HPS3: variants seen among roughly 807,000 people sequenced by gnomAD.
HPS3 encodes BLOC-2 complex member HPS3.
HPS3 carries 79 observed loss-of-function variants against 110.9 expected under a neutral mutation model. The observed-to-expected ratio is 0.71, with a 90% CI of 0.59 to 0.86. The LOEUF (loss-of-function observed/expected upper bound fraction) is 0.86, where lower values mean the gene tolerates loss of function less well. Ranked by LOEUF, HPS3 falls within the 40% of genes least tolerant of loss-of-function variation. The pLI is 0.00. For synonymous variants in HPS3, 428 were observed against 451.0 expected (o/e 0.95, Z 0.65); for missense variants, 1,197 against 1,206.2 (o/e 0.99, Z 0.11).
chr3:149,166,927 T>C, intron 14 of HPS3, 107 bp from the exon 15 acceptor site: 1 of 850,692 alleles, frequency 1.2e-6, no homozygotes, highest in South Asian at 1.3e-5. Flanking sequence ...ATTCTTTCTA[T>C]TTTATTTTTG....
At chr3:149,161,420 G>A (rs1401257332) in intron 11 of HPS3, among the ~76,000 whole-genome samples, 4 of 150,502 alleles carry the variant, frequency 2.7e-5, no homozygotes, top group Non-Finnish European at 5.9e-5. Context: ...AATGTCAACT[G>A]CTATGCACAT....
rs1725102539 is a variant in HPS3 at position 149,172,491 on chromosome 3, G to A, written c.*269G>A. ...TAAGACATAAGAATTCCTCAAAGAA[G>A]CCATACATTTTTTAAGGTGGGGATT... On this transcript the variant is annotated 3_prime_UTR_variant, in exon 17 of 17. Transcript: ENST00000296051. The A allele has an allele frequency of 9.5e-6, 3 of 315,978 alleles. No homozygotes were observed. The highest frequency in any genetic ancestry group is 1.3e-4 in the East Asian group (2 of 15,676). 19.6% of individuals were successfully genotyped at this position (315,978 alleles called of 1,614,324 possible).
At chr3:149,155,450 T>C (rs750340295) in intron 8 of HPS3, among the ~76,000 whole-genome samples, 82 of 152,132 alleles carry the variant, frequency 5.4e-4, no homozygotes, top group Non-Finnish European at 9.9e-4. Context: ...ATACCCACTC[T>C]CCTAAGAAGA....
In HPS3 at chr3:149,150,650, G is replaced by C. The variant is rs1438554198; in HGVS notation, c.1215G>C (p.Glu405Asp). ...GGTGCAGTGCGGCGGCAGCTCGTGAGGAGGACCCGTACATGGACACCACCC... is the reference window on the plus strand; with the variant it reads ...GGTGCAGTGCGGCGGCAGCTCGTGACGAGGACCCGTACATGGACACCACCC... Reference protein sequence around the residue: ...TVRCSAAAAREEDPYMDTTLK... With the variant: ...TVRCSAAAARDEDPYMDTTLK... Residue 405 changes from glutamate (E) to aspartate (D), a missense_variant, in exon 6 of 17, where the codon GAG (glutamate) becomes GAC (aspartate). Coordinates refer to ENST00000296051, the MANE Select transcript of HPS3 (RefSeq NM_032383.5). 1.9e-6 allele frequency: 3 copies of C among 1,613,984 alleles called. No individual in the cohort carries two copies. Among genetic ancestry groups the C allele is most frequent in the African/African-American group, 2.7e-5 (2 of 74,916 alleles).
intron 5 of HPS3, among the ~76,000 whole-genome samples, chr3:149,148,134 A>G (rs1340793335): frequency 6.6e-6 from 1 of 152,018 alleles, no homozygotes; most frequent in Admixed American, 6.6e-5. Flanking sequence ...CGGCCTCCCA[A>G]AGTGCTGGGA....
At position 149,141,215 on chromosome 3, in the gene HPS3, C is replaced by A. The variant is rs201040693; in HGVS notation, c.884+27C>A. ...TATTATAGTGCTTTTTTTTTTTTTA[C>A]CAGCATTTTATGTATATATGCCTGC... On this transcript the variant is annotated intron_variant, in intron 3 of 16. Transcript: ENST00000296051. 55 of 929,488 alleles carry A rather than the reference C, an allele frequency of 5.9e-5. 1 individual carries two copies. The East Asian group carries it at 1.1e-3, about 18-fold the overall frequency. The allele number at this position is 929,488 out of a possible 1,614,324, so 57.6% of individuals were successfully genotyped here.
chr3:149,141,082 C>T lies in HPS3; in HGVS notation c.778C>T (p.Leu260Phe), dbSNP rs1722412935. 1 of 1,613,728 alleles carries T rather than the reference C, an allele frequency of 6.2e-7. No homozygotes were observed. The highest frequency in any genetic ancestry group is 8.5e-7 in the Non-Finnish European group (1 of 1,179,882). Reference sequence around the variant, plus strand: ...TGTCATCTGCCAGAAGCCCCTGGAACTTCTTGGTGAAAAAAGTGAACAGTC... The same window carrying T: ...TGTCATCTGCCAGAAGCCCCTGGAATTTCTTGGTGAAAAAAGTGAACAGTC... ...DFVICQKPLE[L>F]LGEKSEQSGL... The change falls in exon 3 of 17, where the codon CTT (leucine) becomes TTT (phenylalanine). Residue 260 changes from leucine (L) to phenylalanine (F), a missense_variant. By Grantham distance (22) the Leu-to-Phe change is conservative. Coordinates refer to ENST00000296051, the MANE Select transcript of HPS3 (RefSeq NM_032383.5).
chr3:149,135,350 A>G (rs1465095548), intron 1 of HPS3, among the ~76,000 whole-genome samples: 2 of 151,812 alleles, frequency 1.3e-5, no homozygotes, highest in Non-Finnish European at 2.9e-5. Context: ...AGTCCCCATA[A>G]CCCCCACGTG....
chr3:149,153,287 C>T (rs1156488863), intron 6 of HPS3, among the ~76,000 whole-genome samples: 1 of 152,132 alleles, frequency 6.6e-6, no homozygotes, highest in African/African-American at 2.4e-5. Flanking sequence ...CTATGGAATA[C>T]ACTATTGGTT....
intron 2 of HPS3, 71 bp downstream of exon 2, chr3:149,140,569 G>T: frequency 2.6e-6 from 4 of 1,533,710 alleles, no homozygotes; most frequent in Non-Finnish European, 3.6e-6. Context: ...CAGTCTGAAG[G>T]TCTGTGGTAT....
At chr3:149,144,377 C>T (rs549737057) in intron 4 of HPS3, among the ~76,000 whole-genome samples, 6 of 152,022 alleles carry the variant, frequency 3.9e-5, no homozygotes, top group Admixed American at 1.3e-4. Flanking sequence ...AGTGAGACTC[C>T]GTCTCAAAAA....
rs771171459 is a variant in HPS3 at position 149,145,542 on chromosome 3, A to G, written c.1159A>G (p.Thr387Ala). ...VLTPQFLHVITSNNLQCFTVR... is the reference protein window; with the variant it reads ...VLTPQFLHVIASNNLQCFTVR... ...CACGCCACAATTTTTGCACGTCATTACAAGGTACTGTTAGAGGGTCACTTG... is the reference window on the plus strand; with the variant it reads ...CACGCCACAATTTTTGCACGTCATTGCAAGGTACTGTTAGAGGGTCACTTG... The change falls in exon 5 of 17, where the codon ACA becomes GCA. Residue 387 changes from threonine (T) to alanine (A), a missense_variant. Thr to Ala is a moderately conservative substitution (Grantham distance 58, BLOSUM62 0). Transcript: ENST00000296051. The G allele has an allele frequency of 9.9e-6, 16 of 1,613,426 alleles. No homozygotes were observed. In the Admixed American group the frequency reaches 1.7e-4, roughly 17 times the overall value.
intron 4 of HPS3, among the ~76,000 whole-genome samples, chr3:149,144,640 T>A (rs1722680647): frequency 6.6e-6 from 1 of 152,234 alleles, no homozygotes; most frequent in African/African-American, 2.4e-5. Flanking sequence ...TGAATTTTGC[T>A]AAGTGAATCC....
intron 4 of HPS3, among the ~76,000 whole-genome samples, chr3:149,141,641 C>T (rs995628947): frequency 7.0e-6 from 1 of 143,870 alleles, no homozygotes. Context: ...TCAAGTGATT[C>T]TCCTGCCTCA....
chr3:149,155,074 T>C (rs772204612), intron 7 of HPS3, 33 bp from the exon 8 acceptor site: 54 of 1,075,544 alleles, frequency 5.0e-5, no homozygotes, highest in Non-Finnish European at 7.7e-5. Flanking sequence ...AATAATGTCA[T>C]TTTAAAATTC....
At chr3:149,130,924 A>G (rs1225561736) in intron 1 of HPS3, among the ~76,000 whole-genome samples, 4 of 152,194 alleles carry the variant, frequency 2.6e-5, no homozygotes. Context: ...TTACCATATA[A>G]TTCCTTTAAT....
intron 13 of HPS3, 152 bp downstream of exon 13, chr3:149,163,030 G>T: frequency 1.4e-6 from 1 of 702,538 alleles, no homozygotes; most frequent in Non-Finnish European, 2.4e-6. Flanking sequence ...CTTAAAATTT[G>T]TCTTTAACTG....
At position 149,162,839 on chromosome 3, in the gene HPS3, G is replaced by A. The variant is rs2108170692; in HGVS notation, c.2442G>A (p.Gln814=). The change falls in exon 13 of 17, where the codon CAG becomes CAA. Residue 814 remains glutamine, a synonymous_variant. Coordinates refer to ENST00000296051, the MANE Select transcript of HPS3 (RefSeq NM_032383.5). The part of the protein sequence containing the change: ...SQYIWRLSKR[Q]PPDTTPLRTS... ...ACATCTGGAGATTGTCTAAGAGGCAGCCTCCTGACACCACACCATTGCGAA... is the reference window on the plus strand; with the variant it reads ...ACATCTGGAGATTGTCTAAGAGGCAACCTCCTGACACCACACCATTGCGAA... 3.1e-6 allele frequency: 5 copies of A among 1,614,006 alleles called. No homozygotes were observed. Among genetic ancestry groups the A allele is most frequent in the East Asian group, 4.5e-5 (2 of 44,868 alleles).
chr3:149,136,482 G>T (rs9815729), intron 1 of HPS3, among the ~76,000 whole-genome samples: 27,583 of 152,126 alleles, frequency 0.18, 3,075 homozygotes, highest in East Asian at 0.29. Flanking sequence ...CCTTCTATCA[G>T]TTGGGGAAAC....
Sources: allele counts gnomAD v4.1 joint callset (sites outside exome capture counted in the v4.1 genomes callset), GRCh38; gene constraint gnomAD v4.1.1; transcripts MANE v1.5; gene names NCBI Gene and HGNC (gene_info 2026-07-23, HGNC 2026-07-21).